Variants in ELAPOR2 observed in about 807,000 individuals in gnomAD.
The protein encoded by ELAPOR2 is endosome/lysosome-associated apoptosis and autophagy regulator family member 2.
A neutral mutation model predicts 120.7 loss-of-function variants in ELAPOR2; 89 were observed. The observed-to-expected ratio is 0.74, with a 90% CI of 0.62 to 0.88. ELAPOR2 has a LOEUF of 0.88. Ranked by LOEUF, ELAPOR2 falls within the 40% of genes least tolerant of loss-of-function variation. The pLI is 0.00. For synonymous variants in ELAPOR2, 444 were observed against 444.9 expected (o/e 1.00, Z 0.03); for missense variants, 1,134 against 1,251.6 (o/e 0.91, Z 1.42).
At chr7:86,982,878 C>T (rs1030425507) in intron 1 of ELAPOR2, among the ~76,000 whole-genome samples, 4 of 149,852 alleles carry the variant, frequency 2.7e-5, no homozygotes, top group African/African-American at 1.0e-4. Flanking sequence ...GTCAGTAATA[C>T]CAAACTTCTC....
At chr7:86,910,138 G>A (rs1789229944) in intron 15 of ELAPOR2, 137 bp from the exon 16 acceptor site, 1 of 637,600 alleles carries the variant, frequency 1.6e-6, no homozygotes, top group Non-Finnish European at 2.6e-6. Context: ...TCTGGTATGA[G>A]GCCTAGCCAC....
chr7:87,059,297 T>C, intron 1 of ELAPOR2, 28 bp downstream of exon 1: 1 of 1,246,744 alleles, frequency 8.0e-7, no homozygotes, highest in Non-Finnish European at 1.0e-6. Flanking sequence ...CCCAGCAAAC[T>C]CCAGGTAGAG....
intron 12 of ELAPOR2, 34 bp from the exon 13 acceptor site, chr7:86,914,894 A>G (rs1482514481): frequency 6.5e-7 from 1 of 1,545,336 alleles, no homozygotes; most frequent in Non-Finnish European, 8.9e-7. Context: ...ATTCAAATAA[A>G]GCACAAACTC....
At chr7:87,018,285 C>T (rs1793932423) in intron 1 of ELAPOR2, among the ~76,000 whole-genome samples, 1 of 152,052 alleles carries the variant, frequency 6.6e-6, no homozygotes, top group Non-Finnish European at 1.5e-5. Flanking sequence ...GTGATCTACC[C>T]GCCTAGTCAT....
intron 21 of ELAPOR2, 43 bp downstream of exon 21, chr7:86,891,680 CT>C: frequency 1.3e-6 from 2 of 1,558,890 alleles, no homozygotes; most frequent in South Asian, 2.4e-5. Context: ...ATGCCCTCTA[CT>C]TTATAAACAC....
rs1023305786 is a variant in ELAPOR2 at position 86,877,889 on chromosome 7, G to A, written c.*2582C>T. 2.0e-5 allele frequency: 3 copies of A among 152,148 alleles called. No individual in the cohort carries two copies. Among genetic ancestry groups the A allele is most frequent in the Non-Finnish European group, 4.4e-5 (3 of 68,016 alleles). 9.4% of individuals were successfully genotyped at this position (152,148 alleles called of 1,614,324 possible). ...AAAGAGGGGAAAAGTCAACAATAAT[G>A]AAATTCAGGTTTTTTAATTCAGTGA... On this transcript the variant is annotated 3_prime_UTR_variant, in exon 22 of 22. Coordinates refer to ENST00000450689, the MANE Select transcript of ELAPOR2 (RefSeq NM_001142749.3).
intron 19 of ELAPOR2, 151 bp downstream of exon 19, chr7:86,897,355 T>C: frequency 2.2e-6 from 2 of 901,164 alleles, no homozygotes; most frequent in Non-Finnish European, 3.4e-6. Context: ...ATCTGAGAGT[T>C]CAGCTGCCAA....
rs1562901288 is a variant in ELAPOR2, at chr7:86,893,103, T to TA, written c.2686-4_2686-3insT. The TA allele has an allele frequency of 1.5e-5, 23 of 1,523,496 alleles. No homozygotes were observed. Among genetic ancestry groups the TA allele is most frequent in the Admixed American group, 5.0e-5 (2 of 39,740 alleles). The allele number at this position is 1,523,496 out of a possible 1,614,324, so 94.4% of individuals were successfully genotyped here. A position where few individuals can be genotyped will look rare whatever the true frequency, so the allele number is the denominator to read the frequency against. ...TCATTCCACACATACAAGGTTTCCT[T>TA]TAAAAAAAAAAACATAAAACCATAG... is the stretch of plus-strand genomic sequence containing the variant. On this transcript the variant is annotated splice_region_variant and splice_polypyrimidine_tract_variant and intron_variant, in intron 19 of 21. Coordinates refer to ENST00000450689, the MANE Select transcript of ELAPOR2 (RefSeq NM_001142749.3).
intron 8 of ELAPOR2, among the ~76,000 whole-genome samples, chr7:86,927,593 C>T (rs542839764): frequency 1.3e-5 from 2 of 151,950 alleles, no homozygotes; most frequent in Non-Finnish European, 2.9e-5. Context: ...TTCTCTCACA[C>T]TCATTCATTC....
chr7:86,998,013 A>G (rs751895688), intron 1 of ELAPOR2, among the ~76,000 whole-genome samples: 9 of 152,202 alleles, frequency 5.9e-5, no homozygotes, highest in Non-Finnish European at 1.2e-4. Context: ...ACAATATGTA[A>G]AGGTAGACAA....
chr7:86,956,731 T>TG (rs1791486335), intron 2 of ELAPOR2, among the ~76,000 whole-genome samples: 1 of 152,112 alleles, frequency 6.6e-6, no homozygotes, highest in South Asian at 2.1e-4. Context: ...CAATGTTTGA[T>TG]GGGGGAGGGG....
At chr7:86,934,388 T>C (rs1253780656) in intron 8 of ELAPOR2, among the ~76,000 whole-genome samples, 2 of 152,068 alleles carry the variant, frequency 1.3e-5, no homozygotes, top group South Asian at 4.1e-4. Context: ...CTTGTATCTC[T>C]TCACCCAATT....
chr7:86,905,070 A>AGAGAAGGAAG (rs1788912193), intron 18 of ELAPOR2, among the ~76,000 whole-genome samples: 1 of 98,148 alleles, frequency 1.0e-5, no homozygotes, highest in Non-Finnish European at 2.0e-5. Context: ...ACAGAGAGAG[A>AGAGAAGGAAG]GAAGGAAGGA....
intron 1 of ELAPOR2, chr7:86,966,081 C>G: frequency 2.9e-6 from 1 of 346,772 alleles, no homozygotes; most frequent in Non-Finnish European, 4.1e-6. Context: ...AACAGTTCTT[C>G]CCTCAATGTA....
intron 1 of ELAPOR2, among the ~76,000 whole-genome samples, chr7:86,987,348 G>C (rs1176146727): frequency 6.6e-6 from 1 of 152,084 alleles, no homozygotes; most frequent in Admixed American, 6.6e-5. Context: ...AGACAAATGA[G>C]ATCTAATTAA....
rs769357622 is a variant in ELAPOR2 at position 86,912,124 on chromosome 7, G to A, written c.2117C>T (p.Ser706Phe). The A allele has an allele frequency of 6.2e-6, 10 of 1,612,256 alleles. No individual in the cohort carries two copies. The African/African-American group carries it at 1.1e-4, about 17-fold the overall frequency. ...GAAATGGAAGTATTTTGTTCCTTTGGAGGTGAAGCTGGGGCCATTCATTAA... is the reference window on the plus strand; with the variant it reads ...GAAATGGAAGTATTTTGTTCCTTTGAAGGTGAAGCTGGGGCCATTCATTAA... ...GSLMNGPSFT[S>F]KGTKYFHFFN... is the part of the protein sequence containing the mutation. Residue 706 changes from serine (S) to phenylalanine (F), a missense_variant, in exon 15 of 22, where the codon TCC (serine) becomes TTC (phenylalanine). Transcript: ENST00000450689.
intron 21 of ELAPOR2, among the ~76,000 whole-genome samples, chr7:86,882,669 A>C (rs901283086): frequency 6.6e-6 from 1 of 152,138 alleles, no homozygotes; most frequent in South Asian, 2.1e-4. Context: ...GATATGACCC[A>C]AGTCCTACCA....
rs184168348 is a variant in ELAPOR2, at chr7:86,899,964, C to T, written c.2559-2332G>A. On this transcript the variant is annotated intron_variant, in intron 18 of 21. Transcript: ENST00000450689. ...TGCCACATAAAATATCCATACTTTCCACCTTCTAGATTAGTAAAAAGCAAC... is the reference window on the plus strand; with the variant it reads ...TGCCACATAAAATATCCATACTTTCTACCTTCTAGATTAGTAAAAAGCAAC... 5.6e-3 allele frequency among the ~76,000 whole-genome samples: 849 copies of T among 151,808 alleles called. 5 individuals carry two copies. The highest frequency in any genetic ancestry group is 8.0e-3 in the Non-Finnish European group (544 of 67,936).
chr7:86,980,865 T>C (rs879847122), intron 1 of ELAPOR2, among the ~76,000 whole-genome samples: 24 of 152,154 alleles, frequency 1.6e-4, no homozygotes, highest in Non-Finnish European at 3.1e-4. Context: ...TCCCCCATTA[T>C]TAAGAAAATA....
Sources: gnomAD v4.1 joint callset for allele counts (sites outside exome capture counted in the v4.1 genomes callset) on GRCh38, gnomAD v4.1.1 for gene constraint, MANE v1.5 for transcripts, NCBI Gene and HGNC (gene_info 2026-07-23, HGNC 2026-07-21) for gene names.